Variants in GPHN observed in about 807,000 individuals in gnomAD.
GPHN encodes gephyrin.
A neutral mutation model predicts 95.5 loss-of-function variants in GPHN; 17 were observed. The observed-to-expected ratio is 0.18, with a 90% CI of 0.12 to 0.27. The LOEUF is 0.27. Ranked by LOEUF, GPHN falls within the 10% of genes least tolerant of loss-of-function variation. GPHN has a pLI of 1.00. For synonymous variants in GPHN, 320 were observed against 322.5 expected (o/e 0.99, Z 0.08); for missense variants, 660 against 978.1 (o/e 0.67, Z 4.34).
chr14:66,786,474 T>A (rs1401204997), intron 3 of GPHN, among the ~76,000 whole-genome samples: 1 of 152,002 alleles, frequency 6.6e-6, no homozygotes, highest in African/African-American at 2.4e-5. Context: ...AAAAAAGAAT[T>A]ATCATCAGTT....
At chr14:67,216,434 T>G in the GPHN span, among the ~76,000 whole-genome samples, 1 of 152,174 alleles carries the variant, frequency 6.6e-6, no homozygotes, top group African/African-American at 2.4e-5. Flanking sequence ...TTATTTCTTC[T>G]ACTAATTTTG....
intron 1 of GPHN, among the ~76,000 whole-genome samples, chr14:66,579,042 TA>T (rs2061035993): frequency 6.6e-6 from 1 of 151,882 alleles, no homozygotes; most frequent in South Asian, 2.1e-4. Context: ...ATACAATATA[TA>T]AAATGTAAAT....
intron 9 of GPHN, among the ~76,000 whole-genome samples, chr14:67,001,575 T>C (rs1269001525): frequency 6.6e-6 from 1 of 151,740 alleles, no homozygotes; most frequent in Admixed American, 6.6e-5. Context: ...CTCTTTCTTG[T>C]TTTTCATCTT....
At chr14:66,519,679 C>A (rs1201649815) in intron 1 of GPHN, among the ~76,000 whole-genome samples, 2 of 152,078 alleles carry the variant, frequency 1.3e-5, no homozygotes, top group Admixed American at 1.3e-4. Context: ...GATTGTGATT[C>A]TTGCTCATAC....
Position 66,773,337 on chromosome 14 carries a change from T to A in GPHN, c.144-3127T>A, listed in dbSNP as rs113013132. Among the ~76,000 whole-genome samples, 457 of 151,374 alleles carry A rather than the reference T, an allele frequency of 3.0e-3. 10 individuals are homozygous for A. Among genetic ancestry groups the A allele is most frequent in the African/African-American group, 0.011 (434 of 41,006 alleles). ...GCTTTCTAACAAATCTTAGGAATTTTTGATTTGGGGAAATCTTTTTTTTTT... is the reference window on the plus strand; with the variant it reads ...GCTTTCTAACAAATCTTAGGAATTTATGATTTGGGGAAATCTTTTTTTTTT... On this transcript the variant is annotated intron_variant, in intron 2 of 22. Coordinates refer to ENST00000478722, the MANE Select transcript of GPHN (RefSeq NM_020806.5).
At chr14:67,688,768 T>A in the GPHN span, among the ~76,000 whole-genome samples, 1 of 152,172 alleles carries the variant, frequency 6.6e-6, no homozygotes, top group East Asian at 1.9e-4. Flanking sequence ...GAATTATTCA[T>A]GCATTACTAG....
chr14:66,630,447 A>G (rs2063746869), intron 1 of GPHN, among the ~76,000 whole-genome samples: 2 of 152,118 alleles, frequency 1.3e-5, no homozygotes, highest in Admixed American at 1.3e-4. Context: ...GGCAAGTTTA[A>G]TGTTGGCAAT....
chr14:66,941,118 T>C (rs1010848127), intron 8 of GPHN, among the ~76,000 whole-genome samples: 4 of 151,566 alleles, frequency 2.6e-5, no homozygotes, highest in Non-Finnish European at 5.9e-5. Context: ...CTTTCTGAGC[T>C]ACAGCTGGAG....
At chr14:66,644,650 A>G (rs969249887) in intron 1 of GPHN, among the ~76,000 whole-genome samples, 1 of 94,888 alleles carries the variant, frequency 1.1e-5, no homozygotes, top group African/African-American at 1.6e-4. Context: ...AACATGAGAA[A>G]GAAAGTCTCA....
the GPHN span, among the ~76,000 whole-genome samples, chr14:67,401,366 G>T: frequency 2.0e-5 from 3 of 152,002 alleles, no homozygotes; most frequent in East Asian, 5.8e-4. Flanking sequence ...ATAAAAATTA[G>T]CCAGGCGTGG....
At chr14:67,716,951 T>C in the GPHN span, among the ~76,000 whole-genome samples, 1 of 152,174 alleles carries the variant, frequency 6.6e-6, no homozygotes, top group East Asian at 1.9e-4. Flanking sequence ...CATTAACATT[T>C]TACTATACCA....
intron 10 of GPHN, among the ~76,000 whole-genome samples, chr14:67,040,758 T>C (rs1424204747): frequency 6.6e-6 from 1 of 152,180 alleles, no homozygotes; most frequent in African/African-American, 2.4e-5. Flanking sequence ...TTAATTCTTG[T>C]TATACATTTG....
At chr14:67,138,132 TAGA>T (rs1001052457) in intron 17 of GPHN, among the ~76,000 whole-genome samples, 4 of 152,220 alleles carry the variant, frequency 2.6e-5, no homozygotes, top group African/African-American at 9.6e-5. Context: ...TTACTATATT[TAGA>T]AGAAGAATAG....
At chr14:66,763,790 G>A (rs1053845988) in intron 2 of GPHN, among the ~76,000 whole-genome samples, 28 of 152,112 alleles carry the variant, frequency 1.8e-4, no homozygotes, top group Middle Eastern at 3.2e-3. Context: ...GACGTGAGCG[G>A]CAGACGTGAG....
At chr14:67,071,225 A>C (rs910917386) in intron 11 of GPHN, among the ~76,000 whole-genome samples, 3 of 152,224 alleles carry the variant, frequency 2.0e-5, no homozygotes, top group Admixed American at 1.3e-4. Context: ...AAAGACTTGG[A>C]ACCAACCCAA....
intron 1 of GPHN, among the ~76,000 whole-genome samples, chr14:66,560,685 A>C (rs2060196394): frequency 6.6e-6 from 1 of 152,084 alleles, no homozygotes; most frequent in Non-Finnish European, 1.5e-5. Flanking sequence ...TGTCATCTGC[A>C]AACAGGGACA....
chr14:67,648,939 AC>A, the GPHN span: 1 of 152,152 alleles, frequency 6.6e-6, no homozygotes, highest in African/African-American at 2.4e-5. Context: ...GCTATAGAGA[AC>A]CCTTGACTAG....
intron 8 of GPHN, among the ~76,000 whole-genome samples, chr14:66,932,344 T>C (rs1372373049): frequency 6.6e-6 from 1 of 150,934 alleles, no homozygotes; most frequent in Non-Finnish European, 1.5e-5. Flanking sequence ...GTACTGGGTC[T>C]TGCCCAAGGC....
At chr14:67,425,249 A>C in the GPHN span, among the ~76,000 whole-genome samples, 1 of 152,070 alleles carries the variant, frequency 6.6e-6, no homozygotes. Context: ...ATGCCTGCCT[A>C]ATTTTTAAAA....
Sources: allele counts gnomAD v4.1 joint callset (sites outside exome capture counted in the v4.1 genomes callset), GRCh38; gene constraint gnomAD v4.1.1; transcripts MANE v1.5; gene names NCBI Gene and HGNC (gene_info 2026-07-23, HGNC 2026-07-21).